The following R3HDM2 variants were observed in gnomAD, a reference collection of about 807,000 sequenced individuals.
R3HDM2 encodes the protein R3H domain containing 2, also known as R3H domain-containing protein 2.
Under a neutral mutation model 124.5 loss-of-function variants are expected in R3HDM2, and 38 were observed. The ratio of observed to expected loss-of-function variants is 0.31; its 90% confidence interval spans 0.24 to 0.40. The LOEUF (loss-of-function observed/expected upper bound fraction) is 0.40. Ranked by LOEUF, R3HDM2 falls within the 10% of genes least tolerant of loss-of-function variation. The probability of loss-of-function intolerance (pLI) is 1.00; values close to 1 mark genes in which losing one functional copy is unlikely to be tolerated. For missense variants in R3HDM2, 869 were observed against 1,236.9 expected (o/e 0.70, Z 4.46); for synonymous variants, 391 against 448.0 (o/e 0.87, Z 1.61).
chr12:57,371,603 A>G (rs2063394743), intron 2 of R3HDM2, among the ~76,000 whole-genome samples: 2 of 152,226 alleles, frequency 1.3e-5, no homozygotes, highest in South Asian at 4.1e-4. Flanking sequence ...GGTCATATTT[A>G]TAACTAAAAT....
chr12:57,295,507 G>A lies in R3HDM2; in HGVS notation c.702C>T (p.Ile234=). Residue 234 remains isoleucine, a splice_region_variant and synonymous_variant, in exon 10 of 24, where the codon ATC becomes ATT. Transcript: ENST00000402412. ...TATGTTCTGAGAACCTCTGTTCAGG[G>A]CTGAGATTTGGAGAGAAATGTGAAA... ...VIINKTSNTR[I]PEQRFSEHIK... is the part of the protein sequence containing the mutation. 6.5e-7 allele frequency: 1 copy of A among 1,547,616 alleles called. No homozygotes were observed. The highest frequency in any genetic ancestry group is 8.7e-7 in the Non-Finnish European group (1 of 1,143,636).
At chr12:57,391,248 C>A (rs1260262139) in intron 2 of R3HDM2, among the ~76,000 whole-genome samples, 1 of 152,064 alleles carries the variant, frequency 6.6e-6, no homozygotes, top group Non-Finnish European at 1.5e-5. Flanking sequence ...GAACGCTACT[C>A]AGCAATCAAA....
rs2049879679 is a variant in R3HDM2 at position 57,296,343 on chromosome 12, C to T, written c.701+68G>A. 1 of 1,515,612 alleles carries T rather than the reference C, an allele frequency of 6.6e-7. No homozygotes were observed. 93.9% of individuals were successfully genotyped at this position (1,515,612 alleles called of 1,614,324 possible). The stretch of plus-strand genomic sequence containing the variant: ...ATCTGCAAGAGACATCCTGATCCTA[C>T]ACCTTCCTCTTCCAACCCAGCAGGT... On this transcript the variant is annotated intron_variant, in intron 9 of 23. Transcript: ENST00000402412. The surrounding 1 kb of genome is among the most constrained non-coding windows in gnomAD (Gnocchi z 4.5).
At chr12:57,294,632 C>G (rs184389595) in intron 10 of R3HDM2, among the ~76,000 whole-genome samples, 1 of 152,162 alleles carries the variant, frequency 6.6e-6, no homozygotes, top group Non-Finnish European at 1.5e-5. Flanking sequence ...CTCAACCACG[C>G]TCTTCAAATC....
intron 18 of R3HDM2, among the ~76,000 whole-genome samples, chr12:57,267,712 C>G (rs1205597478): frequency 6.6e-6 from 1 of 152,122 alleles, no homozygotes; most frequent in Non-Finnish European, 1.5e-5. Flanking sequence ...CGTGGAGTTG[C>G]CCAGACTCCA....
chr12:57,420,750 CCT>C (rs1317031030), intron 1 of R3HDM2, among the ~76,000 whole-genome samples: 3 of 152,040 alleles, frequency 2.0e-5, no homozygotes, highest in African/African-American at 7.2e-5. Context: ...TTCTCTAAGT[CCT>C]CTCCTCAGCC....
intron 4 of R3HDM2, among the ~76,000 whole-genome samples, chr12:57,301,203 C>T (rs1394326047): frequency 1.3e-5 from 2 of 152,026 alleles, no homozygotes; most frequent in East Asian, 1.9e-4. Context: ...CTAATCTGCC[C>T]GCTTTACTTC....
At chr12:57,362,355 T>G (rs1479117139) in intron 2 of R3HDM2, among the ~76,000 whole-genome samples, 1 of 152,216 alleles carries the variant, frequency 6.6e-6, no homozygotes, top group Non-Finnish European at 1.5e-5. Flanking sequence ...TCCTTATGAT[T>G]TTCTTAACAT....
chr12:57,272,680 AT>A (rs1222030474), intron 14 of R3HDM2: 13 of 587,572 alleles, frequency 2.2e-5, no homozygotes, highest in Non-Finnish European at 3.2e-5. Context: ...AAGGTTAATA[AT>A]CATAGAAGAA....
intron 2 of R3HDM2, among the ~76,000 whole-genome samples, chr12:57,378,759 C>T (rs978503584): frequency 6.6e-6 from 1 of 152,116 alleles, no homozygotes; most frequent in African/African-American, 2.4e-5. Flanking sequence ...AAAATAGGGT[C>T]TCAAACAGAT....
At chr12:57,381,544 C>CAA (rs66778122) in intron 2 of R3HDM2, among the ~76,000 whole-genome samples, 6 of 76,584 alleles carry the variant, frequency 7.8e-5, no homozygotes, top group Non-Finnish European at 1.1e-4. Flanking sequence ...GACTCCATCT[C>CAA]AAAAAAAAAA....
chr12:57,374,779 G>A (rs1481658363), intron 2 of R3HDM2, among the ~76,000 whole-genome samples: 3 of 150,368 alleles, frequency 2.0e-5, no homozygotes, highest in Non-Finnish European at 3.0e-5. Flanking sequence ...AGATCACGAG[G>A]TCAGGAGATC....
intron 2 of R3HDM2, among the ~76,000 whole-genome samples, chr12:57,366,092 A>C (rs2062610867): frequency 6.6e-6 from 1 of 152,126 alleles, no homozygotes; most frequent in Non-Finnish European, 1.5e-5. Context: ...CCAATTACAC[A>C]TATTTTTAGA....
At chr12:57,424,426 T>A (rs1045903802) in intron 1 of R3HDM2, among the ~76,000 whole-genome samples, 1 of 152,058 alleles carries the variant, frequency 6.6e-6, no homozygotes, top group Non-Finnish European at 1.5e-5. Context: ...CCTCCCAAAG[T>A]GCTGGAATTA....
intron 1 of R3HDM2, among the ~76,000 whole-genome samples, chr12:57,427,663 C>G (rs1868284048): frequency 6.6e-6 from 1 of 150,916 alleles, no homozygotes; most frequent in South Asian, 2.1e-4. Flanking sequence ...AAGCTTTCTA[C>G]TAGGGGAGAT....
chr12:57,419,867 G>A (rs1358838442), intron 1 of R3HDM2, among the ~76,000 whole-genome samples: 1 of 151,898 alleles, frequency 6.6e-6, no homozygotes, highest in Admixed American at 6.6e-5. Context: ...ACCCTCAGCA[G>A]CTATCTCTCC....
intron 3 of R3HDM2, among the ~76,000 whole-genome samples, chr12:57,309,727 A>G (rs561533659): frequency 2.4e-4 from 36 of 152,368 alleles, no homozygotes; most frequent in Admixed American, 3.9e-4. Context: ...AAAAAAAGTC[A>G]AAATGCAGCA....
At chr12:57,345,699 C>G (rs2060022147) in intron 2 of R3HDM2, among the ~76,000 whole-genome samples, 1 of 152,040 alleles carries the variant, frequency 6.6e-6, no homozygotes, top group Admixed American at 6.6e-5. Flanking sequence ...TGCCCCCATG[C>G]CCCCTAATCT....
chr12:57,361,232 G>A (rs750429745), intron 2 of R3HDM2, among the ~76,000 whole-genome samples: 7 of 150,080 alleles, frequency 4.7e-5, no homozygotes, highest in South Asian at 2.1e-4. Context: ...AAAATGAGCC[G>A]AGCATGGTGG....
Sources: gnomAD v4.1 joint callset for allele counts (sites outside exome capture counted in the v4.1 genomes callset) on GRCh38, gnomAD v4.1.1 for gene constraint, Gnocchi (gnomAD v3.1) non-coding constraint, MANE v1.5 for transcripts, NCBI Gene and HGNC (gene_info 2026-07-23, HGNC 2026-07-21) for gene names.